KCNAB2: variants seen among roughly 807,000 people sequenced by gnomAD.
The protein encoded by KCNAB2 is voltage-gated potassium channel subunit beta-2.
Under a neutral mutation model 63.6 loss-of-function variants are expected in KCNAB2, and 29 were observed. The ratio of observed to expected loss-of-function variants is 0.46; its 90% CI spans 0.34 to 0.62. KCNAB2 has a LOEUF of 0.62. KCNAB2 is among the 20% of genes least tolerant of loss of function. The pLI, the probability that KCNAB2 is intolerant of heterozygous loss-of-function variation, is 0.01. For missense variants in KCNAB2, 359 were observed against 563.9 expected, an observed-to-expected ratio of 0.64 and a Z score of 3.68; for synonymous variants, 222 against 224.2, an observed-to-expected ratio of 0.99 and a Z score of 0.09.
intron 1 of KCNAB2, among the ~76,000 whole-genome samples, chr1:6,012,014 A>AGAGGTGGAGGTGATG (rs1658177726): frequency 1.3e-5 from 2 of 151,234 alleles, no homozygotes; most frequent in African/African-American, 4.9e-5. Context: ...TGGTGGTGGT[A>AGAGGTGGAGGTGATG]GAGGTGGAGG....
rs1485185045 is a variant in KCNAB2 at position 6,085,300 on chromosome 1, A to G, written c.425+52A>G. 4 of 1,556,206 alleles carry G rather than the reference A, an allele frequency of 2.6e-6. No individual in the cohort carries two copies. In the South Asian group the frequency reaches 4.5e-5, roughly 17 times the overall value. On this transcript the variant is annotated intron_variant, in intron 6 of 15. Transcript: ENST00000378083. The stretch of plus-strand genomic sequence containing the variant: ...TCCCTGGGGTGGGTGCGGGCGAACT[A>G]TCCCAGGGTCAGCCTCGTCGGCCTG...
chr1:6,037,084 G>A lies in KCNAB2; in HGVS notation c.-53+2290G>A, dbSNP rs148040661. The stretch of plus-strand genomic sequence containing the variant: ...GCTTAGACTCCTGGCCCTCAACCTC[G>A]CCTCTAGGCCAGGGGTCTTCAAAGC... On this transcript the variant is annotated intron_variant, in intron 1 of 15. Coordinates refer to the KCNAB2 transcript ENST00000164247. Among the ~76,000 whole-genome samples the A allele has an allele frequency of 2.8e-3, 428 of 152,208 alleles. 3 individuals carry two copies. Among genetic ancestry groups the A allele is most frequent in the African/African-American group, 9.7e-3 (404 of 41,524 alleles).
At chr1:6,030,509 TTATGTATG>T (rs976825468), upstream of KCNAB2, among the ~76,000 whole-genome samples, 1 of 150,046 alleles carries the variant, frequency 6.7e-6, no homozygotes, top group Non-Finnish European at 1.5e-5. Flanking sequence ...TGTATATGTG[TTATGTATG>T]TATGTGTGTA....
At chr1:6,002,743 G>T (rs535732782) in intron 1 of KCNAB2, among the ~76,000 whole-genome samples, 1 of 152,178 alleles carries the variant, frequency 6.6e-6, no homozygotes, top group Non-Finnish European at 1.5e-5. Context: ...CTACGGCCCT[G>T]CCAGGACTGG....
chr1:6,037,545 T>TAGGGGG (rs973868813), intron 1 of KCNAB2, among the ~76,000 whole-genome samples: 1 of 152,176 alleles, frequency 6.6e-6, no homozygotes, highest in Admixed American at 6.5e-5. Flanking sequence ...CCATTGCTTG[T>TAGGGGG]AGGGGAGCCT....
chr1:6,079,530 A>G (rs561729854), intron 4 of KCNAB2, among the ~76,000 whole-genome samples: 191 of 152,120 alleles, frequency 1.3e-3, no homozygotes, highest in African/African-American at 4.4e-3. Context: ...CAAAAAAAAA[A>G]AATAACCCCA....
chr1:6,007,540 C>G (rs1028664282), intron 1 of KCNAB2: 1 of 152,510 alleles, frequency 6.6e-6, no homozygotes, highest in African/African-American at 2.4e-5. Flanking sequence ...CTCTGCGCCC[C>G]GCGCCGTGCT....
At chr1:6,012,141 G>A (rs1570854857) in intron 1 of KCNAB2, among the ~76,000 whole-genome samples, 1 of 146,524 alleles carries the variant, frequency 6.8e-6, no homozygotes, top group East Asian at 2.0e-4. Context: ...GTGACGGGTG[G>A]AAGTGGAGGT....
intron 1 of KCNAB2, among the ~76,000 whole-genome samples, chr1:5,996,682 G>A (rs1447001623): frequency 6.6e-6 from 1 of 152,232 alleles, no homozygotes; most frequent in Non-Finnish European, 1.5e-5. Flanking sequence ...AACAGGATTG[G>A]GAAAAGGGGA....
intron 15 of KCNAB2, 84 bp downstream of exon 15, chr1:6,097,441 G>T: frequency 6.5e-7 from 1 of 1,543,926 alleles, no homozygotes; most frequent in African/African-American, 1.4e-5. Context: ...CGTCCTGCGT[G>T]CCAGGCTCTG....
intron 1 of KCNAB2, chr1:6,027,271 TGTGG>T (rs1659262699): frequency 1.0e-5 from 1 of 97,418 alleles, no homozygotes; most frequent in Admixed American, 1.1e-4. Flanking sequence ...TGTGTGTGTG[TGTGG>T]ACGGCTGAAG....
chr1:6,052,296 G>A (rs2100539768), intron 2 of KCNAB2, among the ~76,000 whole-genome samples: 1 of 152,186 alleles, frequency 6.6e-6, no homozygotes, highest in East Asian at 1.9e-4. Context: ...ATGGTGCCAT[G>A]CACCTGTAGT....
chr1:6,006,707 C>T (rs540904519), intron 1 of KCNAB2, among the ~76,000 whole-genome samples: 1 of 105,438 alleles, frequency 9.5e-6, no homozygotes. Flanking sequence ...TCCCCCACTT[C>T]ACCCTCACTC....
rs1663016436 is a variant in KCNAB2, at chr1:6,069,447, C to T, written c.219-3308C>T. Reference sequence around the variant, plus strand: ...GGGCTCCACGATGGGCATCAGTGCTCCCCTCCGGCAGAGGTTATGTCTGTG... The same window carrying T: ...GGGCTCCACGATGGGCATCAGTGCTTCCCTCCGGCAGAGGTTATGTCTGTG... On this transcript the variant is annotated intron_variant, in intron 2 of 15. Coordinates refer to ENST00000378083, the MANE Select transcript of KCNAB2 (RefSeq NM_001199862.2). This position sits in a 1 kb window ranked among gnomAD's most constrained non-coding sequence, Gnocchi z 5.4. 6.6e-6 allele frequency among the ~76,000 whole-genome samples: 1 copy of T among 152,196 alleles called. No homozygotes were observed. Among genetic ancestry groups the T allele is most frequent in the African/African-American group, 2.4e-5 (1 of 41,424 alleles).
At chr1:6,053,853 G>A (rs1213102602) in intron 2 of KCNAB2, among the ~76,000 whole-genome samples, 1 of 152,116 alleles carries the variant, frequency 6.6e-6, no homozygotes, top group East Asian at 1.9e-4. Flanking sequence ...AGGCAGCCTG[G>A]GTAACATGGC....
At chr1:6,097,057 G>C (rs1665703348) in intron 14 of KCNAB2, among the ~76,000 whole-genome samples, 1 of 152,160 alleles carries the variant, frequency 6.6e-6, no homozygotes, top group Non-Finnish European at 1.5e-5. Context: ...AAGCACTTGG[G>C]CCACCTCTCC....
upstream of KCNAB2, among the ~76,000 whole-genome samples, chr1:6,030,657 A>G (rs534616353): frequency 0.087 from 1,267 of 14,592 alleles, 19 homozygotes; most frequent in African/African-American, 0.21. Flanking sequence ...ATATGTATGT[A>G]CGTGTATGGG....
intron 10 of KCNAB2, among the ~76,000 whole-genome samples, chr1:6,092,318 T>C (rs1007909177): frequency 6.6e-6 from 1 of 152,210 alleles, no homozygotes; most frequent in African/African-American, 2.4e-5. Flanking sequence ...CAGGGGCCTT[T>C]GCCTAGGACT....
In KCNAB2 at chr1:6,086,468, A is replaced by T; in HGVS notation, c.426-999A>T. On this transcript the variant is annotated intron_variant, in intron 6 of 15. Coordinates refer to ENST00000378083, the MANE Select transcript of KCNAB2 (RefSeq NM_001199862.2). This position sits in a 1 kb window ranked among gnomAD's most constrained non-coding sequence, Gnocchi z 4.2. ...TGCCTCTGCCAGAGCTCTGTGGCCG[A>T]TGCTTCGGGGCAGAGGAGGCCTCCT... 1.2e-6 allele frequency: 1 copy of T among 822,566 alleles called. No homozygotes were observed. Among genetic ancestry groups the T allele is most frequent in the Non-Finnish European group, 1.5e-6 (1 of 681,524 alleles). The allele number at this position is 822,566 out of a possible 1,614,324, so 51.0% of individuals were successfully genotyped here.
Sources: gnomAD v4.1 joint callset for allele counts (sites outside exome capture counted in the v4.1 genomes callset) on GRCh38, gnomAD v4.1.1 for gene constraint, Gnocchi (gnomAD v3.1) non-coding constraint, MANE v1.5 for transcripts, NCBI Gene and HGNC (gene_info 2026-07-23, HGNC 2026-07-21) for gene names.